The following AHCYL2 variants were observed in gnomAD, a reference collection of about 807,000 sequenced individuals.
AHCYL2 encodes S-adenosylhomocysteine hydrolase-like protein 2.
A neutral mutation model predicts 81.4 loss-of-function variants in AHCYL2; 28 were observed. The observed-to-expected ratio is 0.34, with a 90% CI of 0.25 to 0.47. The LOEUF (loss-of-function observed/expected upper bound fraction) is 0.47, where lower values mean the gene tolerates loss of function less well. Ranked by LOEUF, AHCYL2 falls within the 20% of genes least tolerant of loss-of-function variation. AHCYL2 has a pLI of 1.00. For missense variants in AHCYL2, 551 were observed against 785.1 expected, an observed-to-expected ratio of 0.70 and a Z score of 3.56; for synonymous variants, 272 against 290.2, an observed-to-expected ratio of 0.94 and a Z score of 0.64.
chr7:129,387,594 T>C (rs941883888), intron 2 of AHCYL2, among the ~76,000 whole-genome samples: 1 of 152,218 alleles, frequency 6.6e-6, no homozygotes, highest in South Asian at 2.1e-4. Flanking sequence ...GAGATGGCTG[T>C]TATCTTTTTA....
chr7:129,418,741 C>G (rs1584909260), intron 12 of AHCYL2, among the ~76,000 whole-genome samples: 1 of 152,272 alleles, frequency 6.6e-6, no homozygotes, highest in East Asian at 1.9e-4. Flanking sequence ...GAGATCCTGT[C>G]TCTAAAAATA....
At position 129,427,298 on chromosome 7, in the gene AHCYL2, G is replaced by T; in HGVS notation, c.*253G>T. 1 of 425,286 alleles carries T rather than the reference G, an allele frequency of 2.4e-6. No individual in the cohort carries two copies. The highest frequency in any genetic ancestry group is 4.2e-6 in the Non-Finnish European group (1 of 238,132). The allele number at this position is 425,286 out of a possible 1,614,324, so 26.3% of individuals were successfully genotyped here. A position where few individuals can be genotyped will look rare whatever the true frequency, so the allele number is the denominator to read the frequency against. On this transcript the variant is annotated 3_prime_UTR_variant, in exon 17 of 17. Transcript: ENST00000325006. This position sits in a 1 kb window ranked among gnomAD's most constrained non-coding sequence, Gnocchi z 5.5. ...GAGGAAGGAAAGAAATGGGGTTACT[G>T]CTCCCAGTGCATCATTTGCATCATT...
chr7:129,229,902 C>T (rs1794358889), intron 1 of AHCYL2, among the ~76,000 whole-genome samples: 1 of 152,006 alleles, frequency 6.6e-6, no homozygotes, highest in African/African-American at 2.4e-5. Flanking sequence ...ATTTGGAGTA[C>T]CTGAGGAATA....
intron 1 of AHCYL2, among the ~76,000 whole-genome samples, chr7:129,268,508 C>T (rs1449734167): frequency 4.6e-5 from 7 of 152,034 alleles, no homozygotes; most frequent in Admixed American, 1.3e-4. Flanking sequence ...CCACCATACC[C>T]GGCTAATTTT....
At chr7:129,423,359 T>G (rs1035637489) in intron 13 of AHCYL2, among the ~76,000 whole-genome samples, 8 of 152,190 alleles carry the variant, frequency 5.3e-5, no homozygotes, top group African/African-American at 1.7e-4. Flanking sequence ...ACTGATAGAT[T>G]CCCTGTTTTT....
intron 1 of AHCYL2, among the ~76,000 whole-genome samples, chr7:129,278,763 C>CTTTTT (rs36037913): frequency 1.2e-4 from 13 of 111,382 alleles, no homozygotes; most frequent in African/African-American, 3.4e-4. Context: ...TATTGAAGCT[C>CTTTTT]TTTTTTTTTT....
At position 129,304,734 on chromosome 7, in the gene AHCYL2, TA is replaced by T. The variant is rs373934265; in HGVS notation, c.364-74903del. Among the ~76,000 whole-genome samples the T allele has an allele frequency of 3.5e-3, 534 of 152,308 alleles. 4 individuals carry two copies. The highest frequency in any genetic ancestry group is 0.031 in the Middle Eastern group (9 of 294). On this transcript the variant is annotated intron_variant, in intron 1 of 16. Coordinates refer to ENST00000325006, the MANE Select transcript of AHCYL2 (RefSeq NM_015328.4). ...TTTTTTGGTTTCCATTGATATGGAATATTTTTTTTCATCCTTTCATTTTCAC... is the reference window on the plus strand; with the variant it reads ...TTTTTTGGTTTCCATTGATATGGAATTTTTTTTTCATCCTTTCATTTTCAC...
intron 1 of AHCYL2, among the ~76,000 whole-genome samples, chr7:129,292,636 A>T (rs1481444860): frequency 6.6e-6 from 1 of 152,088 alleles, no homozygotes; most frequent in East Asian, 1.9e-4. Flanking sequence ...GCATGGTGGC[A>T]CACACCAGTA....
intron 1 of AHCYL2, among the ~76,000 whole-genome samples, chr7:129,306,722 C>T (rs115250001): frequency 0.013 from 2,038 of 152,204 alleles, 59 homozygotes; most frequent in African/African-American, 0.046. Flanking sequence ...CTTATTTGTA[C>T]CTGTGCTTCT....
intron 1 of AHCYL2, among the ~76,000 whole-genome samples, chr7:129,300,630 A>G (rs1797227252): frequency 6.6e-6 from 1 of 152,208 alleles, no homozygotes; most frequent in Non-Finnish European, 1.5e-5. Flanking sequence ...TCTCTTCAAT[A>G]TACTGACTTC....
chr7:129,389,871 A>G, intron 4 of AHCYL2, 137 bp downstream of exon 4: 1 of 616,688 alleles, frequency 1.6e-6, no homozygotes. Flanking sequence ...GGCCATATAA[A>G]GCAGGTATTC....
chr7:129,426,662 A>G lies in AHCYL2; in HGVS notation c.1829+99A>G. On this transcript the variant is annotated intron_variant, in intron 16 of 16. Transcript: ENST00000325006. This position sits in a 1 kb window ranked among gnomAD's most constrained non-coding sequence, Gnocchi z 4.3. ...TCCCCAACCACATATGCTTACATGA[A>G]CTCAGAAAAATGAACCCACTTCCCC... is the stretch of plus-strand genomic sequence containing the variant. 6.7e-7 allele frequency: 1 copy of G among 1,493,640 alleles called. No individual in the cohort carries two copies. The highest frequency in any genetic ancestry group is 8.9e-7 in the Non-Finnish European group (1 of 1,117,738). The allele number at this position is 1,493,640 out of a possible 1,614,324, so 92.5% of individuals were successfully genotyped here. A position where few individuals can be genotyped will look rare whatever the true frequency, so the allele number is the denominator to read the frequency against.
intron 1 of AHCYL2, among the ~76,000 whole-genome samples, chr7:129,284,657 G>A (rs1257550129): frequency 1.3e-5 from 2 of 149,362 alleles, no homozygotes; most frequent in African/African-American, 4.9e-5. Context: ...CTGAGACAAT[G>A]TGATTCTCAC....
intron 1 of AHCYL2, among the ~76,000 whole-genome samples, chr7:129,369,681 T>C (rs1317164612): frequency 2.0e-5 from 3 of 151,832 alleles, no homozygotes; most frequent in Non-Finnish European, 4.4e-5. Flanking sequence ...GCCTCCCAAG[T>C]AGCTGGGATT....
At chr7:129,412,714 G>A (rs145657939) in intron 11 of AHCYL2, among the ~76,000 whole-genome samples, 11 of 152,324 alleles carry the variant, frequency 7.2e-5, no homozygotes, top group East Asian at 5.8e-4. Context: ...CCTAGTGAGC[G>A]TAGAGTGGTA....
chr7:129,330,439 A>G (rs1207250318), intron 1 of AHCYL2, among the ~76,000 whole-genome samples: 2 of 152,072 alleles, frequency 1.3e-5, no homozygotes, highest in Non-Finnish European at 2.9e-5. Flanking sequence ...ATATATTTGG[A>G]CATGGAAAGG....
At chr7:129,343,257 TAC>T (rs1396720192) in intron 1 of AHCYL2, among the ~76,000 whole-genome samples, 3 of 152,312 alleles carry the variant, frequency 2.0e-5, no homozygotes, top group Admixed American at 2.0e-4. Flanking sequence ...GGCATATCCG[TAC>T]AGTTTCCTCC....
intron 5 of AHCYL2, 35 bp downstream of exon 5, chr7:129,397,359 AAGTCTATT>A: frequency 6.3e-7 from 1 of 1,591,684 alleles, no homozygotes; most frequent in Non-Finnish European, 8.6e-7. Flanking sequence ...TGGCTAAAGT[AAGTCTATT>A]TGGAGACTTA....
chr7:129,320,138 T>C (rs983564840), intron 1 of AHCYL2, among the ~76,000 whole-genome samples: 1 of 152,230 alleles, frequency 6.6e-6, no homozygotes, highest in Non-Finnish European at 1.5e-5. Context: ...TAAATCCATG[T>C]GCTTTTATTT....
Sources: allele counts gnomAD v4.1 joint callset (sites outside exome capture counted in the v4.1 genomes callset), GRCh38; gene constraint gnomAD v4.1.1; non-coding constraint Gnocchi (gnomAD v3.1); transcripts MANE v1.5; gene names NCBI Gene and HGNC (gene_info 2026-07-23, HGNC 2026-07-21).